The following ELAPOR2 variants were observed in gnomAD, a reference collection of about 807,000 sequenced individuals.
ELAPOR2 encodes endosome/lysosome-associated apoptosis and autophagy regulator family member 2.
A neutral mutation model predicts 120.7 loss-of-function variants in ELAPOR2; 89 were observed. The ratio of observed to expected loss-of-function variants is 0.74; its 90% CI spans 0.62 to 0.88. The LOEUF (loss-of-function observed/expected upper bound fraction) is 0.88, where lower values mean the gene tolerates loss of function less well. Ranked by LOEUF, ELAPOR2 falls within the 40% of genes least tolerant of loss-of-function variation. ELAPOR2 has a pLI of 0.00. For missense variants in ELAPOR2, 1,134 were observed against 1,251.6 expected, an observed-to-expected ratio of 0.91 and a Z score of 1.42; for synonymous variants, 444 against 444.9, an observed-to-expected ratio of 1.00 and a Z score of 0.03.
intron 18 of ELAPOR2, among the ~76,000 whole-genome samples, chr7:86,901,670 C>T (rs1788732629): frequency 6.6e-6 from 1 of 152,134 alleles, no homozygotes; most frequent in African/African-American, 2.4e-5. Flanking sequence ...TTTTGTGTAC[C>T]TAGAAAATTT....
intron 19 of ELAPOR2, among the ~76,000 whole-genome samples, chr7:86,896,808 G>T (rs1360558397): frequency 6.6e-6 from 1 of 152,020 alleles, no homozygotes; most frequent in African/African-American, 2.4e-5. Flanking sequence ...AAGTAATTTG[G>T]TAATATGTAT....
chr7:87,038,927 A>C (rs1457749919), intron 1 of ELAPOR2, among the ~76,000 whole-genome samples: 1 of 152,094 alleles, frequency 6.6e-6, no homozygotes, highest in Non-Finnish European at 1.5e-5. Context: ...GAAAATAATA[A>C]AAATCACAGA....
At position 86,960,994 on chromosome 7, in the gene ELAPOR2, T is replaced by C. The variant is rs1414437635; in HGVS notation, c.310+3910A>G. Among the ~76,000 whole-genome samples, 7 of 152,282 alleles carry C rather than the reference T, an allele frequency of 4.6e-5. No individual in the cohort carries two copies. In the East Asian group the frequency reaches 5.8e-4, roughly 13 times the overall value. The stretch of plus-strand genomic sequence containing the variant: ...TCAAATTCTAGACTATAAATACTTA[T>C]ATGCATAAATATATAAAAGTCATGT... On this transcript the variant is annotated intron_variant, in intron 2 of 21. Transcript: ENST00000450689.
chr7:86,927,427 C>T lies in ELAPOR2; in HGVS notation c.1090-511G>A, dbSNP rs1034619875. On this transcript the variant is annotated intron_variant, in intron 8 of 21. Transcript: ENST00000450689. ...AGTTCATAATATTGGTAGTGGTTCT[C>T]GGAGTCTTTTTCAATAACCTGATGT... Among the ~76,000 whole-genome samples, 8 of 151,844 alleles carry T rather than the reference C, an allele frequency of 5.3e-5. No homozygotes were observed. In the South Asian group the frequency reaches 1.0e-3, roughly 20 times the overall value.
At chr7:86,909,379 G>A (rs183801971) in intron 16 of ELAPOR2, among the ~76,000 whole-genome samples, 1 of 152,130 alleles carries the variant, frequency 6.6e-6, no homozygotes, top group African/African-American at 2.4e-5. Flanking sequence ...GGGAACATGA[G>A]GAATCAAACT....
At chr7:87,039,899 G>A (rs1794710913) in intron 1 of ELAPOR2, among the ~76,000 whole-genome samples, 1 of 152,144 alleles carries the variant, frequency 6.6e-6, no homozygotes, top group Non-Finnish European at 1.5e-5. Flanking sequence ...GAGGGCGCAG[G>A]TCAGTGGGTG....
At chr7:86,951,369 ATGT>A (rs1791236673) in intron 2 of ELAPOR2, among the ~76,000 whole-genome samples, 1 of 152,242 alleles carries the variant, frequency 6.6e-6, no homozygotes, top group South Asian at 2.1e-4. Flanking sequence ...ATTTTATGAT[ATGT>A]TGTTATAAAG....
At chr7:86,960,112 T>C (rs1433698466) in intron 2 of ELAPOR2, among the ~76,000 whole-genome samples, 1 of 152,266 alleles carries the variant, frequency 6.6e-6, no homozygotes, top group Non-Finnish European at 1.5e-5. Context: ...AGAATCATTT[T>C]GTAACCTAGT....
chr7:86,882,192 T>C (rs1434265871), intron 21 of ELAPOR2, among the ~76,000 whole-genome samples: 1 of 152,204 alleles, frequency 6.6e-6, no homozygotes, highest in Non-Finnish European at 1.5e-5. Flanking sequence ...CATTAGCAGT[T>C]GAAATATTTG....
chr7:86,995,964 G>A lies in ELAPOR2; in HGVS notation c.190-30940C>T, dbSNP rs147792383. Among the ~76,000 whole-genome samples the A allele has an allele frequency of 6.6e-5, 10 of 152,242 alleles. No homozygotes were observed. The East Asian group carries it at 1.5e-3, about 23-fold the overall frequency. On this transcript the variant is annotated intron_variant, in intron 1 of 21. Coordinates refer to ENST00000450689, the MANE Select transcript of ELAPOR2 (RefSeq NM_001142749.3). ...ATGTTACAGAAGAAACACAAGTAAC[G>A]TGGTCACAATGATAGTGCAGGGAAG...
At chr7:86,912,562 C>T (rs938480839) in intron 14 of ELAPOR2, among the ~76,000 whole-genome samples, 1 of 152,190 alleles carries the variant, frequency 6.6e-6, no homozygotes, top group Admixed American at 6.5e-5. Context: ...GTCCTTCACT[C>T]ATAATATGGC....
At chr7:86,921,843 A>G (rs1789847071) in intron 10 of ELAPOR2, among the ~76,000 whole-genome samples, 1 of 152,110 alleles carries the variant, frequency 6.6e-6, no homozygotes, top group East Asian at 1.9e-4. Flanking sequence ...CCAGATGGCT[A>G]GTACCAAATC....
intron 18 of ELAPOR2, among the ~76,000 whole-genome samples, chr7:86,904,846 T>G (rs1788896328): frequency 6.6e-6 from 1 of 152,148 alleles, no homozygotes; most frequent in Non-Finnish European, 1.5e-5. Flanking sequence ...AGTAAACTTT[T>G]GCCTGGCTTG....
rs532495186 is a variant in ELAPOR2 at position 87,038,096 on chromosome 7, T to C, written c.189+21229A>G. On this transcript the variant is annotated intron_variant, in intron 1 of 21. Transcript: ENST00000450689. The stretch of plus-strand genomic sequence containing the variant: ...TGAAAAAGAAGTAACAGAGAATGAA[T>C]AGTCATGAAATATCTAAAACACACT... Among the ~76,000 whole-genome samples the C allele has an allele frequency of 1.1e-4, 17 of 152,294 alleles. No homozygotes were observed. In the South Asian group the frequency reaches 3.5e-3, roughly 32 times the overall value.
At chr7:86,916,837 T>C (rs887194345) in intron 12 of ELAPOR2, among the ~76,000 whole-genome samples, 2 of 152,096 alleles carry the variant, frequency 1.3e-5, no homozygotes, top group Admixed American at 6.6e-5. Context: ...GTTTTGTTTT[T>C]GAGACAGGGC....
chr7:86,993,234 C>CAAAAAAAAAAAAAAAAAA (rs1159917841), intron 1 of ELAPOR2, among the ~76,000 whole-genome samples: 3 of 57,124 alleles, frequency 5.3e-5, no homozygotes, highest in African/African-American at 1.2e-4. Context: ...GACTCCATCT[C>CAAAAAAAAAAAAAAAAAA]AAAAAAAAAA....
intron 1 of ELAPOR2, among the ~76,000 whole-genome samples, chr7:87,058,102 G>A (rs763227000): frequency 2.3e-4 from 35 of 152,214 alleles, no homozygotes; most frequent in Non-Finnish European, 4.7e-4. Flanking sequence ...ATTGCTGTGT[G>A]TTCGCACACA....
chr7:86,974,648 T>C (rs1383404009), intron 1 of ELAPOR2, among the ~76,000 whole-genome samples: 1 of 150,858 alleles, frequency 6.6e-6, no homozygotes, highest in Admixed American at 6.6e-5. Context: ...ACTATAGGCA[T>C]ATATACCAAA....
chr7:86,917,618 A>T (rs1338161807), intron 12 of ELAPOR2, among the ~76,000 whole-genome samples: 1 of 152,186 alleles, frequency 6.6e-6, no homozygotes, highest in East Asian at 1.9e-4. Flanking sequence ...TATTTGTGAT[A>T]TAGATGGCTG....
Sources: allele counts gnomAD v4.1 joint callset (sites outside exome capture counted in the v4.1 genomes callset), GRCh38; gene constraint gnomAD v4.1.1; transcripts MANE v1.5; gene names NCBI Gene and HGNC (gene_info 2026-07-23, HGNC 2026-07-21).